STAG1: variants seen among roughly 807,000 people sequenced by gnomAD.
STAG1 encodes cohesin subunit SA-1.
Under a neutral mutation model 170.9 loss-of-function variants are expected in STAG1, and 26 were observed. That is an observed-to-expected ratio of 0.15 (90% confidence interval 0.11 to 0.21). The LOEUF (loss-of-function observed/expected upper bound fraction) is 0.21, where lower values mean the gene tolerates loss of function less well. Ranked by LOEUF, STAG1 falls within the 10% of genes least tolerant of loss-of-function variation. STAG1 has a pLI of 1.00. For synonymous variants in STAG1, 514 were observed against 497.7 expected (o/e 1.03, Z -0.44); for missense variants, 964 against 1,509.5 (o/e 0.64, Z 5.99).
At chr3:136,654,119 T>G (rs566514882) in intron 1 of STAG1, among the ~76,000 whole-genome samples, 1 of 152,300 alleles carries the variant, frequency 6.6e-6, no homozygotes, top group African/African-American at 2.4e-5. Flanking sequence ...TTTAAAATAG[T>G]ACTGAAGTCC....
chr3:136,494,213 C>T (rs747386295), intron 9 of STAG1, among the ~76,000 whole-genome samples: 4 of 151,984 alleles, frequency 2.6e-5, no homozygotes, highest in Admixed American at 2.0e-4. Context: ...TGAGGTTCTA[C>T]GGAGTTGTGA....
chr3:136,510,256 C>T (rs536069287), intron 7 of STAG1, among the ~76,000 whole-genome samples: 75 of 152,290 alleles, frequency 4.9e-4, no homozygotes, highest in Non-Finnish European at 3.2e-4. Context: ...GGCAGTTTCC[C>T]ACATGCTCTT....
Position 136,472,488 on chromosome 3 carries a change from C to T in STAG1, c.1130G>A (p.Arg377His). Residue 377 changes from arginine to histidine, a missense_variant, in exon 12 of 34, where the codon CGC (arginine) becomes CAC (histidine). This residue lies in a region of STAG1 where 162 missense variants were observed against 211.2 expected (regional missense o/e 0.77). Transcript: ENST00000383202. ...LELFTNRFKD[R>H]IVSMTLDKEY... The stretch of plus-strand genomic sequence containing the variant: ...TTTATCAAGTGTCATTGATACAATG[C>T]GATCCTGAGAAAAAAAAGTTGTAAA... 1.2e-6 allele frequency: 2 copies of T among 1,609,962 alleles called. No individual in the cohort carries two copies. Among genetic ancestry groups the T allele is most frequent in the Non-Finnish European group, 1.7e-6 (2 of 1,177,784 alleles).
At chr3:136,389,332 C>A (rs530501248) in intron 22 of STAG1, among the ~76,000 whole-genome samples, 65 of 152,196 alleles carry the variant, frequency 4.3e-4, no homozygotes, top group African/African-American at 1.6e-3. Flanking sequence ...TTTTTTGAGA[C>A]TGAGTCTCAC....
intron 1 of STAG1, among the ~76,000 whole-genome samples, chr3:136,657,686 A>T (rs1429160523): frequency 1.3e-5 from 2 of 152,114 alleles, no homozygotes; most frequent in Non-Finnish European, 2.9e-5. Context: ...GCCAGGCATG[A>T]TGGTACATGC....
chr3:136,550,157 T>A (rs950496316), intron 5 of STAG1, among the ~76,000 whole-genome samples: 2 of 151,982 alleles, frequency 1.3e-5, no homozygotes, highest in African/African-American at 2.4e-5. Context: ...ATAAAATGGG[T>A]TTACAAGTGT....
intron 5 of STAG1, among the ~76,000 whole-genome samples, chr3:136,560,304 A>C (rs1936789825): frequency 1.3e-5 from 2 of 152,242 alleles, no homozygotes; most frequent in Non-Finnish European, 2.9e-5. Context: ...ACATCTGTCA[A>C]TGAAAACTAC....
At chr3:136,666,889 T>A (rs1178175047) in intron 1 of STAG1, among the ~76,000 whole-genome samples, 1 of 150,082 alleles carries the variant, frequency 6.7e-6, no homozygotes, top group Non-Finnish European at 1.5e-5. Flanking sequence ...TGCTCTTAAA[T>A]GAAGAAGACA....
intron 1 of STAG1, among the ~76,000 whole-genome samples, chr3:136,637,466 C>G (rs1402039431): frequency 6.6e-6 from 1 of 152,168 alleles, no homozygotes; most frequent in Non-Finnish European, 1.5e-5. Flanking sequence ...GGTTCACTGG[C>G]AACAGCAGGT....
rs115250208 is a variant in STAG1 at position 136,401,740 on chromosome 3, G to A, written c.2197-2911C>T. ...TTTTGAATAAACGATGTATCTTTTCGCAATAAAGCATACCTAATATTGATA... is the reference window on the plus strand; with the variant it reads ...TTTTGAATAAACGATGTATCTTTTCACAATAAAGCATACCTAATATTGATA... On this transcript the variant is annotated intron_variant, in intron 21 of 33. Transcript: ENST00000383202. Among the ~76,000 whole-genome samples, 1,133 of 151,874 alleles carry A rather than the reference G, an allele frequency of 7.5e-3. 19 individuals carry two copies. The highest frequency in any genetic ancestry group is 0.025 in the African/African-American group (1,024 of 41,372).
chr3:136,719,773 G>T (rs1028819230), intron 1 of STAG1, among the ~76,000 whole-genome samples: 2 of 152,030 alleles, frequency 1.3e-5, no homozygotes, highest in African/African-American at 4.8e-5. Flanking sequence ...ATCTAGGATG[G>T]ACTGCAAAAT....
intron 1 of STAG1, among the ~76,000 whole-genome samples, chr3:136,690,357 C>G (rs890890733): frequency 3.3e-5 from 5 of 152,220 alleles, no homozygotes; most frequent in African/African-American, 1.2e-4. Flanking sequence ...CTGCCTCAGC[C>G]TCCCGAGTAG....
intron 3 of STAG1, among the ~76,000 whole-genome samples, chr3:136,618,207 C>T (rs1939683308): frequency 1.3e-5 from 2 of 152,166 alleles, no homozygotes; most frequent in Admixed American, 1.3e-4. Context: ...TCTGTCATAA[C>T]CATTTTTCCC....
intron 4 of STAG1, among the ~76,000 whole-genome samples, chr3:136,603,221 T>G (rs970283265): frequency 1.3e-5 from 2 of 152,048 alleles, no homozygotes; most frequent in Admixed American, 6.5e-5. Context: ...AGATAGAGTC[T>G]GGCTCTGTAC....
At chr3:136,584,855 C>A (rs1438341407) in intron 4 of STAG1, among the ~76,000 whole-genome samples, 1 of 152,196 alleles carries the variant, frequency 6.6e-6, no homozygotes, top group Non-Finnish European at 1.5e-5. Flanking sequence ...AACAGCATGA[C>A]ATCTATAAAC....
chr3:136,662,027 C>G (rs977446825), intron 1 of STAG1, among the ~76,000 whole-genome samples: 10 of 152,186 alleles, frequency 6.6e-5, no homozygotes, highest in Admixed American at 6.6e-4. Context: ...TACTATCCTT[C>G]ATCCTAATAA....
chr3:136,737,002 A>C, intron 1 of STAG1: 1 of 1,590,978 alleles, frequency 6.3e-7, no homozygotes, highest in Non-Finnish European at 8.6e-7. Flanking sequence ...AGGATGCACC[A>C]AGATGGATAA....
intron 2 of STAG1, among the ~76,000 whole-genome samples, chr3:136,623,672 C>T (rs1179191190): frequency 2.0e-5 from 3 of 151,994 alleles, no homozygotes; most frequent in African/African-American, 2.4e-5. Flanking sequence ...TTAAGACATA[C>T]GGCCGGGCAC....
chr3:136,531,261 C>A (rs1176254264), intron 6 of STAG1, among the ~76,000 whole-genome samples: 1 of 149,378 alleles, frequency 6.7e-6, no homozygotes, highest in Non-Finnish European at 1.5e-5. Context: ...CAGGAAACAA[C>A]AGGTGCTGGA....
Sources: gnomAD v4.1 joint callset for allele counts (sites outside exome capture counted in the v4.1 genomes callset) on GRCh38, gnomAD v4.1.1 for gene constraint, gnomAD v4.1.1 regional missense constraint, MANE v1.5 for transcripts, NCBI Gene and HGNC (gene_info 2026-07-23, HGNC 2026-07-21) for gene names.